The following SPAG1 variants were observed in gnomAD, a reference collection of about 807,000 sequenced individuals.
SPAG1 encodes sperm-associated antigen 1.
SPAG1 carries 69 observed loss-of-function variants against 100.5 expected under a neutral mutation model. The observed-to-expected ratio is 0.69, with a 90% CI of 0.57 to 0.84. The LOEUF is 0.84. Ranked by LOEUF, SPAG1 falls within the 40% of genes least tolerant of loss-of-function variation. SPAG1 has a pLI of 0.00. For missense variants in SPAG1, 955 were observed against 1,133.1 expected (o/e 0.84, Z 2.26); for synonymous variants, 336 against 411.6 (o/e 0.82, Z 2.22).
At chr8:100,214,585 A>G (rs1183020139) in intron 12 of SPAG1, among the ~76,000 whole-genome samples, 1 of 152,198 alleles carries the variant, frequency 6.6e-6, no homozygotes, top group Non-Finnish European at 1.5e-5. Flanking sequence ...GTTTAAACAC[A>G]TCGAGGTTAG....
At chr8:100,192,473 C>T (rs1816856196) in intron 9 of SPAG1, among the ~76,000 whole-genome samples, 1 of 152,184 alleles carries the variant, frequency 6.6e-6, no homozygotes, top group South Asian at 2.1e-4. Flanking sequence ...TTTCTGTTTG[C>T]CAAGGTTGTT....
At position 100,241,655 on chromosome 8, in the gene SPAG1, A is replaced by G. The variant is rs1455409344; in HGVS notation, c.*633A>G. ...CTACCACTTTTTACTAGATTTTAAA[A>G]AGCTACTTTCTTTTATATTGCCTAT... On this transcript the variant is annotated 3_prime_UTR_variant, in exon 19 of 19. Coordinates refer to ENST00000388798, the MANE Select transcript of SPAG1 (RefSeq NM_003114.5). This position sits in a 1 kb window ranked among gnomAD's most constrained non-coding sequence, Gnocchi z 5.1. The G allele has an allele frequency of 6.6e-6, 1 of 152,194 alleles. No individual in the cohort carries two copies. Among genetic ancestry groups the G allele is most frequent in the Non-Finnish European group, 1.5e-5 (1 of 68,016 alleles). 9.4% of individuals were successfully genotyped at this position (152,194 alleles called of 1,614,324 possible).
rs1815533207 is a variant in SPAG1, at chr8:100,165,989, A to T, written c.300+16A>T. 3.2e-6 allele frequency: 5 copies of T among 1,581,938 alleles called. No homozygotes were observed. Among genetic ancestry groups the T allele is most frequent in the Non-Finnish European group, 3.4e-6 (4 of 1,159,838 alleles). On this transcript the variant is annotated intron_variant, in intron 3 of 18. Coordinates refer to ENST00000388798, the MANE Select transcript of SPAG1 (RefSeq NM_003114.5). ...TGATATAAAGGTATATAGTAATACC[A>T]ATTTTCCATAGATATTGTTGAGACA...
chr8:100,192,881 C>T (rs1816872920), intron 9 of SPAG1, among the ~76,000 whole-genome samples: 1 of 152,100 alleles, frequency 6.6e-6, no homozygotes, highest in African/African-American at 2.4e-5. Flanking sequence ...CACGCCACCT[C>T]CCAAAGTGCT....
intron 10 of SPAG1, among the ~76,000 whole-genome samples, chr8:100,205,209 T>C (rs1288533270): frequency 6.6e-6 from 1 of 152,146 alleles, no homozygotes; most frequent in Admixed American, 6.5e-5. Context: ...CTGGGTCCCC[T>C]TGAGGAAGGA....
At chr8:100,177,274 A>C (rs1271019990) in intron 3 of SPAG1, among the ~76,000 whole-genome samples, 1 of 152,204 alleles carries the variant, frequency 6.6e-6, no homozygotes, top group Non-Finnish European at 1.5e-5. Flanking sequence ...TGCAGAGATG[A>C]CTAGTGTCAC....
intron 8 of SPAG1, among the ~76,000 whole-genome samples, chr8:100,191,187 G>C (rs1816799902): frequency 6.6e-6 from 1 of 152,064 alleles, no homozygotes; most frequent in Admixed American, 6.6e-5. Flanking sequence ...TGTTATAGAG[G>C]GGACAGCTGG....
intron 3 of SPAG1, among the ~76,000 whole-genome samples, chr8:100,172,171 G>C (rs1323190008): frequency 6.6e-6 from 1 of 151,886 alleles, no homozygotes; most frequent in Non-Finnish European, 1.5e-5. Context: ...GTTGTGTGTG[G>C]TGTTTTTTAT....
chr8:100,180,567 T>G (rs1047638945), intron 4 of SPAG1, among the ~76,000 whole-genome samples: 3 of 152,210 alleles, frequency 2.0e-5, no homozygotes, highest in Non-Finnish European at 4.4e-5. Flanking sequence ...TTAGAAAATA[T>G]GCTCCAATGG....
Position 100,241,897 on chromosome 8 carries a change from A to C in SPAG1, c.*875A>C, listed in dbSNP as rs1472182337. 6.6e-6 allele frequency: 1 copy of C among 152,218 alleles called. No individual in the cohort carries two copies. The highest frequency in any genetic ancestry group is 1.5e-5 in the Non-Finnish European group (1 of 68,032). The allele number at this position is 152,218 out of a possible 1,614,324, so 9.4% of individuals were successfully genotyped here. A position where few individuals can be genotyped will look rare whatever the true frequency, so the allele number is the denominator to read the frequency against. On this transcript the variant is annotated 3_prime_UTR_variant, in exon 19 of 19. Transcript: ENST00000388798. This position sits in a 1 kb window ranked among gnomAD's most constrained non-coding sequence, Gnocchi z 5.1. ...GACTGGGTCAAAGTGAAGGAATTTC[A>C]ATCTCCATCAGTGTACTGTCATTTA...
Position 100,240,742 on chromosome 8 carries a change from T to A in SPAG1, c.2620T>A (p.Leu874Ile), listed in dbSNP as rs775690726. 2 of 1,607,760 alleles carry A rather than the reference T, an allele frequency of 1.2e-6. No homozygotes were observed. The highest frequency in any genetic ancestry group is 2.7e-5 in the African/African-American group (2 of 74,500). ...TCCCTCATTGGTGTATCAGCATCTTTTATACCTGAGTAAAGCAGAAAGGTT... is the reference window on the plus strand; with the variant it reads ...TCCCTCATTGGTGTATCAGCATCTTATATACCTGAGTAAAGCAGAAAGGTT... ...KDPSLVYQHL[L>I]YLSKAERFKM... Residue 874 changes from leucine to isoleucine, a missense_variant, in exon 18 of 19, where the codon TTA becomes ATA. Physicochemically the swap from Leu to Ile is conservative, Grantham distance 5 (BLOSUM62 2). Coordinates refer to ENST00000388798, the MANE Select transcript of SPAG1 (RefSeq NM_003114.5).
intron 14 of SPAG1, among the ~76,000 whole-genome samples, chr8:100,226,520 T>C (rs1818521013): frequency 6.6e-6 from 1 of 152,046 alleles, no homozygotes; most frequent in South Asian, 2.1e-4. Context: ...CGGGGCAATA[T>C]GGCGAAACCC....
intron 14 of SPAG1, among the ~76,000 whole-genome samples, chr8:100,226,733 C>T (rs542407052): frequency 6.6e-6 from 1 of 152,010 alleles, no homozygotes; most frequent in African/African-American, 2.4e-5. Flanking sequence ...ACATGTAGCT[C>T]TACAGTAGAC....
Position 100,191,412 on chromosome 8 carries a change from A to T in SPAG1, c.855A>T (p.Thr285=), listed in dbSNP as rs753349181. The part of the protein sequence containing the change: ...NVKALLRRAT[T]YKHQNKLREA... ...CAGCTCTTCTGCGTCGTGCTACTAC[A>T]TATAAACATCAAAACAAGCTCCGGG... is the stretch of plus-strand genomic sequence containing the variant. The change falls in exon 9 of 19, where the codon ACA becomes ACT. Residue 285 remains threonine, a synonymous_variant. Transcript: ENST00000388798. 23 of 1,613,710 alleles carry T rather than the reference A, an allele frequency of 1.4e-5. No homozygotes were observed. Among genetic ancestry groups the T allele is most frequent in the Non-Finnish European group, 1.9e-5 (23 of 1,179,770 alleles).
intron 13 of SPAG1, among the ~76,000 whole-genome samples, chr8:100,221,727 G>A (rs1457384851): frequency 6.6e-6 from 1 of 152,232 alleles, no homozygotes; most frequent in Non-Finnish European, 1.5e-5. Context: ...TGTATGGGCT[G>A]AACTTGTTGC....
chr8:100,216,787 T>C (rs1818007889), intron 12 of SPAG1, among the ~76,000 whole-genome samples: 2 of 152,240 alleles, frequency 1.3e-5, no homozygotes, highest in African/African-American at 4.8e-5. Context: ...GAAGCCACTC[T>C]GTGCTTTTGT....
chr8:100,220,328 A>T lies in SPAG1; in HGVS notation c.1585A>T (p.Met529Leu). The T allele has an allele frequency of 6.2e-7, 1 of 1,614,100 alleles. No homozygotes were observed. Among genetic ancestry groups the T allele is most frequent in the African/African-American group, 1.3e-5 (1 of 75,050 alleles). The change falls in exon 13 of 19, where the codon ATG becomes TTG. Residue 529 changes from methionine (M) to leucine (L), a missense_variant. Met to Leu is a conservative substitution (Grantham distance 15, BLOSUM62 2). Transcript: ENST00000388798. ...TATGAAACCTCTTCTGAGGCGGGCG[A>T]TGGCCTATGAAACTCTAGAGCAGTA... ...FSMKPLLRRAMAYETLEQYGK... is the reference protein window; with the variant it reads ...FSMKPLLRRALAYETLEQYGK...
At chr8:100,162,856 C>G (rs1296107030) in intron 2 of SPAG1, among the ~76,000 whole-genome samples, 4 of 152,046 alleles carry the variant, frequency 2.6e-5, no homozygotes, top group African/African-American at 9.7e-5. Context: ...CCCAGCTACT[C>G]AGAAGGCTGA....
At chr8:100,227,540 G>T (rs909862017) in intron 14 of SPAG1, among the ~76,000 whole-genome samples, 4 of 152,168 alleles carry the variant, frequency 2.6e-5, no homozygotes, top group African/African-American at 9.7e-5. Context: ...TAGTTTTCTA[G>T]AGTCCATTAT....
Sources: gnomAD v4.1 joint callset for allele counts (sites outside exome capture counted in the v4.1 genomes callset) on GRCh38, gnomAD v4.1.1 for gene constraint, Gnocchi (gnomAD v3.1) non-coding constraint, MANE v1.5 for transcripts, NCBI Gene and HGNC (gene_info 2026-07-23, HGNC 2026-07-21) for gene names.